The following NOP2 variants were observed in gnomAD, a reference collection of about 807,000 sequenced individuals.
NOP2 encodes 28S rRNA (cytosine(4447)-C(5))-methyltransferase.
Under a neutral mutation model 72.7 loss-of-function variants are expected in NOP2, and 7 were observed. That is an observed-to-expected ratio of 0.10 (90% CI 0.05 to 0.18). The LOEUF is 0.18. Ranked by LOEUF, NOP2 falls within the 10% of genes least tolerant of loss-of-function variation. NOP2 has a pLI of 1.00. For synonymous variants in NOP2, 387 were observed against 388.0 expected (o/e 1.00, Z 0.03); for missense variants, 954 against 1,014.7 (o/e 0.94, Z 0.81).
Position 6,566,745 on chromosome 12 carries a change from T to C in NOP2, c.149+32A>G, listed in dbSNP as rs573802038. Reference sequence around the variant, plus strand: ...TGGTCAAAGATGAGCAGTACCAATTTAACCTACTTAAGTTTTGACACCCAC... The same window carrying C: ...TGGTCAAAGATGAGCAGTACCAATTCAACCTACTTAAGTTTTGACACCCAC... On this transcript the variant is annotated intron_variant, in intron 3 of 15. Coordinates refer to ENST00000322166, the MANE Select transcript of NOP2 (RefSeq NM_001258308.2). The C allele has an allele frequency of 3.7e-6, 6 of 1,609,722 alleles. No homozygotes were observed. The East Asian group carries it at 1.1e-4, about 30-fold the overall frequency.
chr12:6,560,347 A>C lies in NOP2; in HGVS notation c.1561-21T>G. The C allele has an allele frequency of 6.2e-7, 1 of 1,610,690 alleles. No homozygotes were observed. The highest frequency in any genetic ancestry group is 8.5e-7 in the Non-Finnish European group (1 of 1,177,206). ...TCTACCTGGATGTGGGGGGAAGACA[A>C]AGAACGGAGGAAAAAGCAGAGCTGG... On this transcript the variant is annotated intron_variant, in intron 14 of 15. Coordinates refer to ENST00000322166, the MANE Select transcript of NOP2 (RefSeq NM_001258308.2). The surrounding 1 kb of genome is among the most constrained non-coding windows in gnomAD (Gnocchi z 5.0).
rs1280568591 is a variant in NOP2, at chr12:6,557,155, C to G, written c.2277G>C (p.Gln759His). Reference protein sequence around the residue: ...LGRAKGVEKQQLPEQPFEKAA... With the variant: ...LGRAKGVEKQHLPEQPFEKAA... ...CTTTCTCAAAAGGCTGCTCTGGCAA[C>G]TGCTGCTTCTCAACCCCCTTGGCCC... is the stretch of plus-strand genomic sequence containing the variant. The change falls in exon 16 of 16, where the codon CAG becomes CAC. Residue 759 changes from glutamine (Q) to histidine (H), a missense_variant. Coordinates refer to ENST00000322166, the MANE Select transcript of NOP2 (RefSeq NM_001258308.2). 1.2e-6 allele frequency: 2 copies of G among 1,613,892 alleles called. No individual in the cohort carries two copies. Among genetic ancestry groups the G allele is most frequent in the Middle Eastern group, 1.6e-4 (1 of 6,084 alleles).
intron 2 of NOP2, 53 bp downstream of exon 2, chr12:6,567,763 A>G (rs1947819305): frequency 1.5e-6 from 2 of 1,363,424 alleles, no homozygotes; most frequent in African/African-American, 2.9e-5. Flanking sequence ...AAGAGGTTAT[A>G]ATACAGAATA....
At chr12:6,558,085 G>A in intron 15 of NOP2, 1 of 351,284 alleles carries the variant, frequency 2.8e-6, no homozygotes, top group Non-Finnish European at 5.3e-6. Flanking sequence ...AGGTTGCAAT[G>A]AGCTGAGATT....
At chr12:6,558,090 G>A (rs1291337053) in intron 15 of NOP2, 1 of 349,112 alleles carries the variant, frequency 2.9e-6, no homozygotes, top group Non-Finnish European at 5.3e-6. Flanking sequence ...GCAATGAGCT[G>A]AGATTGCACC....
chr12:6,567,840 C>T lies in NOP2; in HGVS notation c.79G>A (p.Glu27Lys). ...KARKQKGAETELVRFLPAVSD... is the reference protein window; with the variant it reads ...KARKQKGAETKLVRFLPAVSD... ...CCTGCAGGCAAGAATCTGACGAGTT[C>T]TGTCTCGGCACCCTTCTGCTTCCGG... Residue 27 changes from glutamate to lysine, a missense_variant, in exon 2 of 16, where the codon GAA becomes AAA. Around this residue, in one of 3 missense-constraint regions of NOP2, gnomAD observed 498 missense variants for 478.3 expected, o/e 1.04. Transcript: ENST00000322166. 1 of 1,614,050 alleles carries T rather than the reference C, an allele frequency of 6.2e-7. No homozygotes were observed.
At position 6,561,654 on chromosome 12, in the gene NOP2, C is replaced by T; in HGVS notation, c.1207+10G>A. 1 of 1,612,026 alleles carries T rather than the reference C, an allele frequency of 6.2e-7. No individual in the cohort carries two copies. The highest frequency in any genetic ancestry group is 1.3e-5 in the African/African-American group (1 of 75,022). ...GCCCGATGAATCCCACCTGCCTGCC[C>T]CTCTCATACCCATGTAGCTGGTCTT... is the stretch of plus-strand genomic sequence containing the variant. On this transcript the variant is annotated intron_variant, in intron 11 of 15. Coordinates refer to ENST00000322166, the MANE Select transcript of NOP2 (RefSeq NM_001258308.2).
rs939204070 is a variant in NOP2 at position 6,566,783 on chromosome 12, C to T, written c.143G>A (p.Arg48Gln). 21 of 1,613,210 alleles carry T rather than the reference C, an allele frequency of 1.3e-5. No individual in the cohort carries two copies. The highest frequency in any genetic ancestry group is 2.2e-5 in the South Asian group (2 of 90,934). ...ENSKRLSSRA[R>Q]KRAAKRRLGS... Reference sequence around the variant, plus strand: ...TTTTGACACCCACACTTACCTCTTTCGAGCACGACTAGACAGCCTCTTGGA... The same window carrying T: ...TTTTGACACCCACACTTACCTCTTTTGAGCACGACTAGACAGCCTCTTGGA... Residue 48 changes from arginine to glutamine, a missense_variant, in exon 3 of 16, where the codon CGA becomes CAA. Transcript: ENST00000322166.
At position 6,563,121 on chromosome 12, in the gene NOP2, C is replaced by T. The variant is rs185687202; in HGVS notation, c.938G>A (p.Arg313Gln). Residue 313 changes from arginine (R) to glutamine (Q), a missense_variant, in exon 9 of 16, where the codon CGG becomes CAG. Around this residue, in one of 3 missense-constraint regions of NOP2, gnomAD observed 498 missense variants for 478.3 expected, o/e 1.04. Coordinates refer to ENST00000322166, the MANE Select transcript of NOP2 (RefSeq NM_001258308.2). ...GCGTCGGGTTTTCAAGGTATTGGTC[C>T]GGAGGGTGACGGGCCGAGGCACCTC... ...ANEVPRPVTL[R>Q]TNTLKTRRRD... 1.3e-5 allele frequency: 21 copies of T among 1,597,486 alleles called. No homozygotes were observed. The highest frequency in any genetic ancestry group is 3.5e-5 in the Admixed American group (2 of 57,366).
At chr12:6,562,963 C>T (rs998402186) in intron 9 of NOP2, 118 bp downstream of exon 9, 3 of 1,016,142 alleles carry the variant, frequency 3.0e-6, no homozygotes, top group Admixed American at 2.0e-5. Flanking sequence ...GTTTGCCCCC[C>T]CAGGATCATG....
At chr12:6,568,173 C>CCA in intron 1 of NOP2, 34 bp downstream of exon 1, 1 of 507,572 alleles carries the variant, frequency 2.0e-6, no homozygotes. Context: ...GTCAGTGCTG[C>CCA]CACTCTTCGT....
chr12:6,565,568 G>T lies in NOP2; in HGVS notation c.474+533C>A, dbSNP rs144961027. ...TTGTCCAGGCTGGTCTCGAACTCCG[G>T]AGCTCAGGTGATCCGCCCACCTTGG... On this transcript the variant is annotated intron_variant, in intron 5 of 15. Transcript: ENST00000322166. Among the ~76,000 whole-genome samples the T allele has an allele frequency of 5.1e-3, 772 of 152,158 alleles. 4 individuals carry two copies. Among genetic ancestry groups the T allele is most frequent in the Middle Eastern group, 0.024 (7 of 294 alleles).
chr12:6,567,908 T>A lies in NOP2; in HGVS notation c.11A>T (p.Lys4Met). 3.1e-6 allele frequency: 5 copies of A among 1,613,910 alleles called. No homozygotes were observed. The highest frequency in any genetic ancestry group is 4.2e-6 in the Non-Finnish European group (5 of 1,179,820). Residue 4 changes from lysine to methionine, a missense_variant, in exon 2 of 16, where the codon AAG becomes ATG. By Grantham distance (95) the Lys-to-Met change is moderately conservative. Around this residue, in one of 3 missense-constraint regions of NOP2, gnomAD observed 498 missense variants for 478.3 expected, o/e 1.04. Transcript: ENST00000322166. MGRKLDPTKEKRGP... is the reference protein window; with the variant it reads MGRMLDPTKEKRGP... ...CCGCTTCTCCTTCGTAGGGTCCAACTTGCGCCCCATGGTACTGTGGCAGGC... is the reference window on the plus strand; with the variant it reads ...CCGCTTCTCCTTCGTAGGGTCCAACATGCGCCCCATGGTACTGTGGCAGGC...
Position 6,566,259 on chromosome 12 carries a change from G to C in NOP2, c.316C>G (p.Arg106Gly), listed in dbSNP as rs762968722. The change falls in exon 5 of 16, where the codon CGC (arginine) becomes GGC (glycine). Residue 106 changes from arginine (R) to glycine (G), a missense_variant. Arg to Gly is a moderately radical substitution (Grantham distance 125). Around this residue, in one of 3 missense-constraint regions of NOP2, gnomAD observed 498 missense variants for 478.3 expected, o/e 1.04. Coordinates refer to ENST00000322166, the MANE Select transcript of NOP2 (RefSeq NM_001258308.2). ...TCCTCATCACTGCCAGGTGCTGGGC[G>C]CTTCTTGCCTCGAGGAGCATTAAAT... ...SLFNAPRGKK[R>G]PAPGSDEEEE... 2 of 1,613,790 alleles carry C rather than the reference G, an allele frequency of 1.2e-6. No individual in the cohort carries two copies. Among genetic ancestry groups the C allele is most frequent in the East Asian group, 4.5e-5 (2 of 44,900 alleles).
intron 4 of NOP2, 48 bp from the exon 5 acceptor site, chr12:6,566,384 G>A: frequency 6.5e-7 from 1 of 1,532,036 alleles, no homozygotes; most frequent in Non-Finnish European, 9.0e-7. Context: ...ACATTCCCTG[G>A]CCCCACACCC....
Position 6,563,163 on chromosome 12 carries a change from T to G in NOP2, c.896A>C (p.Glu299Ala), listed in dbSNP as rs1947691527. 1.0e-5 allele frequency: 16 copies of G among 1,590,648 alleles called. No individual in the cohort carries two copies. Among genetic ancestry groups the G allele is most frequent in the Non-Finnish European group, 1.3e-5 (15 of 1,168,834 alleles). ...MDLFPLSELV[E>A]FLEANEVPRP... ...AGGCACCTCATTAGCTTCTAAGAAC[T>G]CCACCAGCTGCGGGGCAAGACAGCA... is the stretch of plus-strand genomic sequence containing the variant. Residue 299 changes from glutamate (E) to alanine (A), a missense_variant, in exon 9 of 16, where the codon GAG (glutamate) becomes GCG (alanine). This residue lies in a region of NOP2 where 498 missense variants were observed against 478.3 expected (regional missense o/e 1.04). Transcript: ENST00000322166.
rs764539201 is a variant in NOP2, at chr12:6,563,470, C to T, written c.733G>A (p.Asp245Asn). Reference protein sequence around the residue: ...DLQRVHKRIQDIVGILRDFGA... With the variant: ...DLQRVHKRIQNIVGILRDFGA... The stretch of plus-strand genomic sequence containing the variant: ...AAATCACGCAGAATTCCCACAATAT[C>T]CTGGATCCGCTTGTGAACTCGTTGC... The change falls in exon 8 of 16, where the codon GAT (aspartate) becomes AAT (asparagine). Residue 245 changes from aspartate (D) to asparagine (N), a missense_variant. Physicochemically the swap from Asp to Asn is conservative, Grantham distance 23. This residue lies in a region of NOP2 where 498 missense variants were observed against 478.3 expected (regional missense o/e 1.04). Coordinates refer to ENST00000322166, the MANE Select transcript of NOP2 (RefSeq NM_001258308.2). 1.2e-5 allele frequency: 20 copies of T among 1,612,034 alleles called. No individual in the cohort carries two copies. The highest frequency in any genetic ancestry group is 1.6e-5 in the Non-Finnish European group (19 of 1,179,204).
intron 8 of NOP2, 31 bp from the exon 9 acceptor site, chr12:6,563,201 G>A: frequency 6.4e-7 from 1 of 1,563,270 alleles, no homozygotes. Flanking sequence ...GAATAAGTGA[G>A]GCTGGCTAAG....
intron 5 of NOP2, among the ~76,000 whole-genome samples, chr12:6,565,031 G>A (rs370475197): frequency 1.3e-5 from 2 of 152,140 alleles, no homozygotes; most frequent in Non-Finnish European, 1.5e-5. Context: ...TATTCTATAC[G>A]ATTCTAATAA....
Sources: allele counts gnomAD v4.1 joint callset (sites outside exome capture counted in the v4.1 genomes callset), GRCh38; gene constraint gnomAD v4.1.1; regional missense constraint gnomAD v4.1.1; non-coding constraint Gnocchi (gnomAD v3.1); transcripts MANE v1.5; gene names NCBI Gene and HGNC (gene_info 2026-07-23, HGNC 2026-07-21).